Variants in PXT1 observed in about 807,000 individuals in gnomAD.
PXT1 encodes peroxisomal testis-specific protein 1.
In PXT1, 11 loss-of-function variants were observed where a neutral mutation model predicts 11.0. The observed-to-expected ratio is 1.00, with a 90% CI of 0.63 to 1.66. The LOEUF is 1.66. Ranked by LOEUF, PXT1 falls within the 40% of genes most tolerant of loss-of-function variation. The pLI is 0.00. For synonymous variants in PXT1, 43 were observed against 51.4 expected (o/e 0.84, Z 0.70); for missense variants, 141 against 155.5 (o/e 0.91, Z 0.49).
chr6:36,410,521 AGAGAAGG>A (rs1444644146), intron 3 of PXT1, among the ~76,000 whole-genome samples: 20 of 152,052 alleles, frequency 1.3e-4, no homozygotes, highest in African/African-American at 4.3e-4. Context: ...AGAGAGAGAA[AGAGAAGG>A]GAGAAGGGAG....
chr6:36,400,169 G>C (rs909070297), intron 4 of PXT1, among the ~76,000 whole-genome samples: 1 of 152,174 alleles, frequency 6.6e-6, no homozygotes, highest in African/African-American at 2.4e-5. Context: ...GATTCTGACT[G>C]TGTGGGCTGG....
chr6:36,442,434 G>GT (rs1000514611), intron 1 of PXT1, 101 bp downstream of exon 1: 9 of 152,148 alleles, frequency 5.9e-5, no homozygotes, highest in Non-Finnish European at 1.3e-4. Context: ...ATATATAGAT[G>GT]TTTTTTGAAT....
chr6:36,408,253 C>G (rs1404588077), intron 3 of PXT1, among the ~76,000 whole-genome samples: 1 of 150,640 alleles, frequency 6.6e-6, no homozygotes, highest in Non-Finnish European at 1.5e-5. Context: ...TGAGCCACCA[C>G]GCCCAGCCTT....
At chr6:36,425,861 G>GA in intron 3 of PXT1, 53 bp downstream of exon 3, 1 of 1,259,660 alleles carries the variant, frequency 7.9e-7, no homozygotes, top group Non-Finnish European at 1.1e-6. Flanking sequence ...TTAATAGCAA[G>GA]AAAAACACAT....
At chr6:36,411,335 C>T (rs1413798940) in intron 3 of PXT1, among the ~76,000 whole-genome samples, 1 of 152,112 alleles carries the variant, frequency 6.6e-6, no homozygotes, top group East Asian at 1.9e-4. Context: ...CCTGTAATCC[C>T]AGCTACTCGG....
chr6:36,390,768 CG>C lies in PXT1; in HGVS notation c.*1001del, dbSNP rs1202785382. 1 of 152,134 alleles carries C rather than the reference CG, an allele frequency of 6.6e-6. No individual in the cohort carries two copies. The highest frequency in any genetic ancestry group is 1.5e-5 in the Non-Finnish European group (1 of 68,020). 9.4% of individuals were successfully genotyped at this position (152,134 alleles called of 1,614,324 possible). A position where few individuals can be genotyped will look rare whatever the true frequency, so the allele number is the denominator to read the frequency against. The stretch of plus-strand genomic sequence containing the variant: ...TGCAGGTGAAAGAACTGCCTAACAG[CG>C]TGCAGGAGAGAATGAGTGAAATACA... On this transcript the variant is annotated 3_prime_UTR_variant, in exon 5 of 5. Coordinates refer to ENST00000454782, the MANE Select transcript of PXT1 (RefSeq NM_152990.4).
intron 2 of PXT1, among the ~76,000 whole-genome samples, chr6:36,432,673 C>T (rs1330988707): frequency 6.6e-6 from 1 of 152,138 alleles, no homozygotes; most frequent in Non-Finnish European, 1.5e-5. Flanking sequence ...AAAAAGGACA[C>T]TTGTTTGAAA....
At chr6:36,412,750 T>C (rs1199953813) in intron 3 of PXT1, among the ~76,000 whole-genome samples, 1 of 151,948 alleles carries the variant, frequency 6.6e-6, no homozygotes, top group Non-Finnish European at 1.5e-5. Context: ...CATGAGCCAC[T>C]GCACCTGGCC....
intron 2 of PXT1, among the ~76,000 whole-genome samples, chr6:36,432,339 C>A (rs543506199): frequency 3.3e-5 from 5 of 152,186 alleles, no homozygotes; most frequent in African/African-American, 1.2e-4. Context: ...AAAAACAGAA[C>A]TTTCAATTCA....
chr6:36,433,700 C>T (rs1441584613), intron 2 of PXT1, among the ~76,000 whole-genome samples: 1 of 151,498 alleles, frequency 6.6e-6, no homozygotes, highest in Non-Finnish European at 1.5e-5. Context: ...TGGCAGGCAC[C>T]TGTAGTCTCA....
intron 3 of PXT1, among the ~76,000 whole-genome samples, chr6:36,407,783 A>G (rs1411417083): frequency 6.6e-6 from 1 of 152,166 alleles, no homozygotes; most frequent in African/African-American, 2.4e-5. Context: ...TTTTCCCTCC[A>G]GGAGAATCTA....
intron 4 of PXT1, 128 bp downstream of exon 4, chr6:36,400,326 G>T: frequency 8.9e-7 from 1 of 1,129,756 alleles, no homozygotes; most frequent in Non-Finnish European, 1.3e-6. Context: ...TCTAACATTT[G>T]GTAATCCAGA....
chr6:36,433,123 T>TA (rs1204207255), intron 2 of PXT1, among the ~76,000 whole-genome samples: 1 of 151,598 alleles, frequency 6.6e-6, no homozygotes, highest in East Asian at 1.9e-4. Context: ...ATCTGTAACA[T>TA]AAAAAAAATT....
chr6:36,413,180 A>G (rs1477892849), intron 3 of PXT1, among the ~76,000 whole-genome samples: 1 of 152,148 alleles, frequency 6.6e-6, no homozygotes, highest in Non-Finnish European at 1.5e-5. Flanking sequence ...GCACTTTGGG[A>G]GGCCGAGGTG....
At chr6:36,414,929 G>A (rs1774427662) in intron 3 of PXT1, among the ~76,000 whole-genome samples, 1 of 152,094 alleles carries the variant, frequency 6.6e-6, no homozygotes, top group African/African-American at 2.4e-5. Flanking sequence ...AAATTCAATC[G>A]CTTTGAAGAT....
At chr6:36,417,245 G>A (rs1310313864) in intron 3 of PXT1, among the ~76,000 whole-genome samples, 2 of 152,100 alleles carry the variant, frequency 1.3e-5, no homozygotes, top group Non-Finnish European at 2.9e-5. Flanking sequence ...TACTCAGGAG[G>A]CTGAGGCAGG....
chr6:36,441,940 G>T (rs917995244), intron 1 of PXT1, among the ~76,000 whole-genome samples: 1 of 152,068 alleles, frequency 6.6e-6, no homozygotes, highest in Non-Finnish European at 1.5e-5. Flanking sequence ...TTAGTTTTCA[G>T]AGAGTCTCTT....
chr6:36,426,373 T>TGAGATGGAG (rs1774607420), intron 2 of PXT1, among the ~76,000 whole-genome samples: 1 of 137,178 alleles, frequency 7.3e-6, no homozygotes, highest in African/African-American at 2.8e-5. Flanking sequence ...TTTTTTTTTT[T>TGAGATGGAG]TTTTTTTTTT....
chr6:36,417,763 G>C (rs1223420724), intron 3 of PXT1, among the ~76,000 whole-genome samples: 1 of 135,152 alleles, frequency 7.4e-6, no homozygotes, highest in Non-Finnish European at 1.6e-5. Flanking sequence ...GTGAGATCCT[G>C]TCTCAAAAAA....
Sources: gnomAD v4.1 joint callset for allele counts (sites outside exome capture counted in the v4.1 genomes callset) on GRCh38, gnomAD v4.1.1 for gene constraint, MANE v1.5 for transcripts, NCBI Gene and HGNC (gene_info 2026-07-23, HGNC 2026-07-21) for gene names.